The following CUL4B variants were observed in gnomAD, a reference collection of about 807,000 sequenced individuals.
CUL4B encodes the protein cullin-4B.
CUL4B carries 1 observed loss-of-function variant against 69.2 expected under a neutral mutation model. That is an observed-to-expected ratio of 0.01 (90% CI 0.01 to 0.07). CUL4B has a LOEUF of 0.07. CUL4B is among the 10% of genes least tolerant of loss of function. The pLI is 1.00. For synonymous variants in CUL4B, 237 were observed against 223.2 expected (o/e 1.06, Z -0.55); for missense variants, 328 against 638.8 (o/e 0.51, Z 5.24).
chrX:120,533,925 G>A (rs1278365318), intron 17 of CUL4B, among the ~76,000 whole-genome samples: 1 of 110,827 alleles, frequency 9.0e-6, no homozygotes, highest in African/African-American at 3.3e-5. Flanking sequence ...CATTAGCCAG[G>A]TGTGGTGGCA....
intron 14 of CUL4B, among the ~76,000 whole-genome samples, chrX:120,537,614 T>G (rs1923747854): frequency 8.9e-6 from 1 of 112,068 alleles, no homozygotes; most frequent in Non-Finnish European, 1.9e-5. Flanking sequence ...AGCAACACTG[T>G]GGGGTAAAGA....
chrX:120,546,504 T>A (rs755798890), intron 4 of CUL4B, 43 bp downstream of exon 4: 1 of 1,041,276 alleles, frequency 9.6e-7, no homozygotes, highest in Non-Finnish European at 1.3e-6. Context: ...TTTTAACTAT[T>A]AATACAATGT....
intron 18 of CUL4B, 40 bp from the exon 19 acceptor site, chrX:120,530,294 CA>C (rs753064141): frequency 4.4e-6 from 5 of 1,145,331 alleles, no homozygotes; most frequent in South Asian, 1.8e-5. Context: ...ATACCAGAAG[CA>C]AAACCTGACT....
chrX:120,533,469 CTCTTCATGAT>C (rs1180321215), intron 17 of CUL4B, among the ~76,000 whole-genome samples: 10 of 111,779 alleles, frequency 8.9e-5, no homozygotes, highest in Admixed American at 1.9e-4. Flanking sequence ...TACAATTAAG[CTCTTCATGAT>C]TCTTCATGAT....
chrX:120,543,623 CA>C (rs1221800298), intron 8 of CUL4B, 103 bp downstream of exon 8: 1 of 585,726 alleles, frequency 1.7e-6, no homozygotes, highest in Non-Finnish European at 3.0e-6. Flanking sequence ...GTTAACACTT[CA>C]AATCACACCT....
At chrX:120,549,497 T>C (rs1332599321) in intron 2 of CUL4B, among the ~76,000 whole-genome samples, 1 of 111,554 alleles carries the variant, frequency 9.0e-6, no homozygotes, top group Non-Finnish European at 1.9e-5. Flanking sequence ...GAGCCGAGAA[T>C]GTGCCATTGC....
intron 10 of CUL4B, 25 bp from the exon 11 acceptor site, chrX:120,540,587 T>G (rs1164170899): frequency 1.9e-6 from 2 of 1,063,549 alleles, no homozygotes; most frequent in African/African-American, 3.7e-5. Context: ...TACCACTTTT[T>G]ACTGTAATCG....
rs781765213 is a variant in CUL4B at position 120,560,706 on chromosome X, G to C, written c.-68C>G. 8.7e-6 allele frequency: 10 copies of C among 1,145,787 alleles called. No individual in the cohort carries two copies. The East Asian group carries it at 9.8e-5, about 11-fold the overall frequency. The allele number at this position is 1,145,787 out of a possible 1,213,427, so 94.4% of individuals were successfully genotyped here. On this transcript the variant is annotated 5_prime_UTR_variant, in exon 1 of 20. Coordinates refer to ENST00000371322, the MANE Select transcript of CUL4B (RefSeq NM_001079872.2). ...CGTTTATATGCCTGCGTGCGTGTAG[G>C]AGAGAAGGTAGCAATGCTAGAGGGG... is the stretch of plus-strand genomic sequence containing the variant.
intron 18 of CUL4B, 89 bp downstream of exon 18, chrX:120,532,333 G>C (rs1172870209): frequency 1.5e-6 from 1 of 670,116 alleles, no homozygotes; most frequent in African/African-American, 2.2e-5. Context: ...GGTATTGGCA[G>C]TATTACAGGT....
chrX:120,543,108 G>C (rs1359205797), intron 8 of CUL4B, 75 bp from the exon 9 acceptor site: 3 of 622,392 alleles, frequency 4.8e-6, no homozygotes, highest in Non-Finnish European at 7.8e-6. Flanking sequence ...CCTGAGGGGG[G>C]AAAAAAATCA....
intron 2 of CUL4B, among the ~76,000 whole-genome samples, chrX:120,555,153 C>G (rs1352820775): frequency 9.0e-6 from 1 of 111,666 alleles, no homozygotes; most frequent in Non-Finnish European, 1.9e-5. Context: ...TACAAGAAAA[C>G]AAAAACAAGA....
downstream of CUL4B, among the ~76,000 whole-genome samples, chrX:120,569,572 G>T (rs1925656305): frequency 9.0e-6 from 1 of 111,332 alleles, no homozygotes; most frequent in Non-Finnish European, 1.9e-5. Flanking sequence ...GTGTTAGCCA[G>T]GATGGTCTCG....
upstream of CUL4B, chrX:120,561,211 G>A (rs2076892904): frequency 3.6e-6 from 2 of 561,533 alleles, no homozygotes; most frequent in Admixed American, 3.6e-5. Flanking sequence ...CGGCTGGAAA[G>A]GGGCGGCTAA....
At chrX:120,530,014 C>T (rs1569386301) in intron 19 of CUL4B, 88 bp downstream of exon 19, 1 of 981,878 alleles carries the variant, frequency 1.0e-6, no homozygotes, top group East Asian at 3.1e-5. Context: ...GGTCATGACG[C>T]TTTATGTTTG....
chrX:120,531,853 G>C (rs957295594), intron 18 of CUL4B, among the ~76,000 whole-genome samples: 3 of 111,212 alleles, frequency 2.7e-5, no homozygotes, highest in Non-Finnish European at 5.7e-5. Context: ...TTAGTGCTGG[G>C]GGACATAGTA....
chrX:120,561,074 A>G (rs976852582), upstream of CUL4B: 31 of 992,775 alleles, frequency 3.1e-5, no homozygotes, highest in East Asian at 1.3e-3. Flanking sequence ...CAATAGCACA[A>G]GAGGCTAAAG....
At chrX:120,563,426 A>C (rs192261231), upstream of CUL4B, among the ~76,000 whole-genome samples, 199 of 110,797 alleles carry the variant, frequency 1.8e-3, 1 homozygote, top group African/African-American at 6.1e-3. Context: ...TAGTAGAGTC[A>C]GGGTTTTGCT....
At chrX:120,527,898 T>C (rs969940271) in intron 19 of CUL4B, among the ~76,000 whole-genome samples, 6 of 112,197 alleles carry the variant, frequency 5.3e-5, no homozygotes, top group African/African-American at 1.9e-4. Context: ...TTTCTATTAC[T>C]TTTCTATTTT....
At chrX:120,575,218 C>A (rs979835453) in intron 1 of CUL4B, among the ~76,000 whole-genome samples, 3 of 112,059 alleles carry the variant, frequency 2.7e-5, no homozygotes, top group African/African-American at 9.7e-5. Flanking sequence ...TTTTAACATA[C>A]CTCTTATAAA....
Sources: allele counts gnomAD v4.1 joint callset (sites outside exome capture counted in the v4.1 genomes callset), GRCh38; gene constraint gnomAD v4.1.1; transcripts MANE v1.5; gene names NCBI Gene and HGNC (gene_info 2026-07-23, HGNC 2026-07-21).